MAPRE2: variants seen among roughly 807,000 people sequenced by gnomAD.
MAPRE2 encodes microtubule associated protein RP/EB family member 2, also known as microtubule-associated protein RP/EB family member 2.
A neutral mutation model predicts 43.2 loss-of-function variants in MAPRE2; 13 were observed. The ratio of observed to expected loss-of-function variants is 0.30; its 90% CI spans 0.20 to 0.48. MAPRE2 has a LOEUF of 0.48. Ranked by LOEUF, MAPRE2 falls within the 20% of genes least tolerant of loss-of-function variation. The pLI is 0.99. For synonymous variants in MAPRE2, 135 were observed against 148.8 expected (o/e 0.91, Z 0.68); for missense variants, 161 against 400.2 (o/e 0.40, Z 5.10).
At chr18:35,039,474 C>T (rs2097052425), upstream of MAPRE2, among the ~76,000 whole-genome samples, 1 of 152,150 alleles carries the variant, frequency 6.6e-6, no homozygotes, top group African/African-American at 2.4e-5. Flanking sequence ...GAAAAAAAAT[C>T]TTATGTAAAG....
At chr18:35,064,032 A>AAAAAAAAAAAAAAAAAG (rs1568989750) in intron 1 of MAPRE2, among the ~76,000 whole-genome samples, 1 of 142,716 alleles carries the variant, frequency 7.0e-6, no homozygotes, top group Non-Finnish European at 1.5e-5. Flanking sequence ...AAAAAAAAAA[A>AAAAAAAAAAAAAAAAAG]ATCTGGCCAA....
intron 2 of MAPRE2, among the ~76,000 whole-genome samples, chr18:35,078,358 AT>A (rs1907471224): frequency 6.6e-6 from 1 of 152,200 alleles, no homozygotes; most frequent in African/African-American, 2.4e-5. Flanking sequence ...AGCTCTGATT[AT>A]CTTAACCGGT....
At chr18:35,017,667 A>G (rs573071891) in intron 2 of MAPRE2, among the ~76,000 whole-genome samples, 1 of 151,822 alleles carries the variant, frequency 6.6e-6, no homozygotes, top group South Asian at 2.1e-4. Context: ...ATTTTTGTAC[A>G]TTAATTTTAT....
intron 4 of MAPRE2, among the ~76,000 whole-genome samples, chr18:35,114,420 A>G (rs1335595039): frequency 1.3e-5 from 2 of 152,160 alleles, no homozygotes; most frequent in African/African-American, 4.8e-5. Context: ...CTAGGGTGAG[A>G]GAGAGTTACT....
intron 2 of MAPRE2, among the ~76,000 whole-genome samples, chr18:35,026,944 T>A (rs993231034): frequency 1.5e-4 from 23 of 152,214 alleles, no homozygotes; most frequent in African/African-American, 5.5e-4. Context: ...CTTTGAAAGA[T>A]CTTAAGCTTT....
intron 1 of MAPRE2, among the ~76,000 whole-genome samples, chr18:34,995,305 A>G (rs1460498226): frequency 3.3e-5 from 5 of 152,144 alleles, no homozygotes; most frequent in African/African-American, 1.2e-4. Context: ...TTTGCTAGTC[A>G]CAGAATTTGG....
intron 2 of MAPRE2, among the ~76,000 whole-genome samples, chr18:35,025,857 G>C (rs537536328): frequency 7.2e-5 from 11 of 152,302 alleles, no homozygotes; most frequent in Non-Finnish European, 1.6e-4. Context: ...AGGAAGCTTT[G>C]CTTATGCTGA....
intron 6 of MAPRE2, among the ~76,000 whole-genome samples, chr18:35,136,687 C>T (rs1008651744): frequency 6.6e-6 from 1 of 152,194 alleles, no homozygotes; most frequent in Non-Finnish European, 1.5e-5. Context: ...GACAAGGCTG[C>T]AGGGTGGTGC....
chr18:34,985,546 TATATATTATA>T (rs1176220197), intron 1 of MAPRE2, among the ~76,000 whole-genome samples: 1 of 64,628 alleles, frequency 1.5e-5, no homozygotes. Context: ...ATATATAATA[TATATATTATA>T]TATTATAAAT....
At chr18:35,086,879 G>C (rs555808657) in intron 2 of MAPRE2, among the ~76,000 whole-genome samples, 2 of 151,948 alleles carry the variant, frequency 1.3e-5, no homozygotes, top group Admixed American at 1.3e-4. Context: ...CCCAAATGTG[G>C]GTGTTTTTAT....
At chr18:35,129,022 C>T (rs1910029378) in intron 5 of MAPRE2, among the ~76,000 whole-genome samples, 1 of 152,124 alleles carries the variant, frequency 6.6e-6, no homozygotes, top group African/African-American at 2.4e-5. Flanking sequence ...CACAATGCCA[C>T]TCAGAGAACC....
rs867988414 is a variant in MAPRE2, at chr18:35,077,239, G to A, written c.250+6917G>A. Among the ~76,000 whole-genome samples the A allele has an allele frequency of 7.4e-4, 65 of 87,438 alleles. 1 individual carries two copies. Among genetic ancestry groups the A allele is most frequent in the African/African-American group, 3.6e-3 (58 of 16,174 alleles). The allele number at this position is 87,438 out of a possible 152,430, so 57.4% of individuals were successfully genotyped here. A position where few individuals can be genotyped will look rare whatever the true frequency, so the allele number is the denominator to read the frequency against. Reference sequence around the variant, plus strand: ...CTCTCTCTCTCACAGATACGCGCGCGTGCGCGCGCGCACACACACACACAC... The same window carrying A: ...CTCTCTCTCTCACAGATACGCGCGCATGCGCGCGCGCACACACACACACAC... On this transcript the variant is annotated intron_variant, in intron 2 of 6. Transcript: ENST00000300249.
chr18:35,125,776 T>C (rs1259527100), intron 4 of MAPRE2, among the ~76,000 whole-genome samples: 5 of 152,372 alleles, frequency 3.3e-5, no homozygotes, highest in Non-Finnish European at 5.9e-5. Flanking sequence ...GAGAGTCTAT[T>C]GTGACCTGAG....
chr18:34,994,191 G>C (rs1175055707), intron 1 of MAPRE2, among the ~76,000 whole-genome samples: 1 of 151,808 alleles, frequency 6.6e-6, no homozygotes, highest in Non-Finnish European at 1.5e-5. Flanking sequence ...ATGTGGGATG[G>C]GGAGGGGCAA....
At chr18:35,025,611 G>A (rs1029518104) in intron 2 of MAPRE2, among the ~76,000 whole-genome samples, 1 of 152,112 alleles carries the variant, frequency 6.6e-6, no homozygotes, top group Non-Finnish European at 1.5e-5. Flanking sequence ...GTAACAACTC[G>A]GATACTGTTA....
chr18:35,135,676 C>T (rs1395301166), intron 6 of MAPRE2, among the ~76,000 whole-genome samples: 2 of 152,248 alleles, frequency 1.3e-5, no homozygotes, highest in African/African-American at 2.4e-5. Flanking sequence ...CCTGCCTTTG[C>T]CCCACTGTGC....
At chr18:34,980,105 C>A (rs1299593314) in intron 1 of MAPRE2, among the ~76,000 whole-genome samples, 1 of 143,262 alleles carries the variant, frequency 7.0e-6, no homozygotes, top group African/African-American at 2.6e-5. Context: ...CGGCTCACTG[C>A]AACCTCCGCC....
chr18:35,124,656 C>T (rs1015449922), intron 4 of MAPRE2, among the ~76,000 whole-genome samples: 4 of 152,034 alleles, frequency 2.6e-5, no homozygotes, highest in Admixed American at 6.6e-5. Context: ...CATAGGTAGT[C>T]TTCGCACTGC....
intron 4 of MAPRE2, among the ~76,000 whole-genome samples, chr18:35,125,993 C>T (rs553928087): frequency 5.9e-5 from 9 of 152,244 alleles, no homozygotes; most frequent in East Asian, 3.9e-4. Context: ...TGTCCAATGA[C>T]GAGCCCTTTG....
Sources: allele counts gnomAD v4.1 joint callset (sites outside exome capture counted in the v4.1 genomes callset), GRCh38; gene constraint gnomAD v4.1.1; transcripts MANE v1.5; gene names NCBI Gene and HGNC (gene_info 2026-07-23, HGNC 2026-07-21).